Variants in CCDC152 observed in about 807,000 individuals in gnomAD.
The protein encoded by CCDC152 is coiled-coil domain containing 152.
In CCDC152, 37 loss-of-function variants were observed where a neutral mutation model predicts 38.1. The observed-to-expected ratio is 0.97, with a 90% CI of 0.75 to 1.28. CCDC152 has a LOEUF of 1.28. Ranked by LOEUF, CCDC152 falls within the 50% of genes most tolerant of loss-of-function variation. The pLI, the probability that CCDC152 is intolerant of heterozygous loss-of-function variation, is 0.00. For missense variants in CCDC152, 259 were observed against 292.1 expected, an observed-to-expected ratio of 0.89 and a Z score of 0.83; for synonymous variants, 83 against 87.1, an observed-to-expected ratio of 0.95 and a Z score of 0.26.
intron 1 of CCDC152, among the ~76,000 whole-genome samples, chr5:42,758,177 A>T (rs1297989038): frequency 6.6e-6 from 1 of 152,246 alleles, no homozygotes; most frequent in African/African-American, 2.4e-5. Context: ...TTTAAAAACC[A>T]TTAATAATTG....
chr5:42,799,417 T>A lies in CCDC152; in HGVS notation c.601T>A (p.Tyr201Asn). The change falls in exon 8 of 9, where the codon TAT becomes AAT. Residue 201 changes from tyrosine to asparagine, a missense_variant. By Grantham distance (143) the Tyr-to-Asn change is moderately radical (BLOSUM62 -2). Transcript: ENST00000361970. The stretch of plus-strand genomic sequence containing the variant: ...AAGAGTTCAGACTAAATCAAAATCA[T>A]ATCAGGATTCTACTGTTTTGCCACA... ...LARVQTKSKS[Y>N]QDSTVLPQSI... 1 of 1,546,406 alleles carries A rather than the reference T, an allele frequency of 6.5e-7. No homozygotes were observed. Among genetic ancestry groups the A allele is most frequent in the South Asian group, 1.2e-5 (1 of 82,904 alleles).
intron 7 of CCDC152, among the ~76,000 whole-genome samples, chr5:42,797,355 T>A (rs1760089086): frequency 6.6e-6 from 1 of 152,206 alleles, no homozygotes; most frequent in African/African-American, 2.4e-5. Context: ...TACTACCAGT[T>A]CCTGTGTCTC....
intron 6 of CCDC152, among the ~76,000 whole-genome samples, chr5:42,791,644 C>A (rs749724792): frequency 1.3e-5 from 2 of 152,172 alleles, no homozygotes; most frequent in African/African-American, 2.4e-5. Context: ...ATCTGTCAGG[C>A]AGCTCAGATA....
intron 6 of CCDC152, among the ~76,000 whole-genome samples, chr5:42,788,285 G>C (rs947966637): frequency 2.7e-5 from 4 of 149,732 alleles, no homozygotes; most frequent in East Asian, 2.0e-4. Context: ...TAAGGCTTCT[G>C]TAAGAAGTCT....
At chr5:42,789,530 T>A (rs1283735619) in intron 6 of CCDC152, among the ~76,000 whole-genome samples, 1 of 152,172 alleles carries the variant, frequency 6.6e-6, no homozygotes, top group Non-Finnish European at 1.5e-5. Context: ...TTTTGTACCT[T>A]CCTATATATT....
At chr5:42,789,984 G>T (rs1040753592) in intron 6 of CCDC152, among the ~76,000 whole-genome samples, 1 of 152,040 alleles carries the variant, frequency 6.6e-6, no homozygotes, top group Non-Finnish European at 1.5e-5. Context: ...ATTGGACTTC[G>T]TCAAAGTTAT....
chr5:42,770,417 G>A (rs1759681294), intron 4 of CCDC152, among the ~76,000 whole-genome samples: 1 of 152,060 alleles, frequency 6.6e-6, no homozygotes, highest in African/African-American at 2.4e-5. Flanking sequence ...CAATGCCAGG[G>A]CTCAAAACAA....
At position 42,801,002 on chromosome 5, in the gene CCDC152, T is replaced by C; in HGVS notation, c.*1221T>C. ...GAGCCAACTCTGAATCTGTGGGCAA[T>C]TTACAGAGTAATTGATTTATACATC... On this transcript the variant is annotated 3_prime_UTR_variant, in exon 9 of 9. Coordinates refer to ENST00000361970, the MANE Select transcript of CCDC152 (RefSeq NM_001134848.2). 1 of 1,614,182 alleles carries C rather than the reference T, an allele frequency of 6.2e-7. No homozygotes were observed.
At chr5:42,783,432 C>G in intron 5 of CCDC152, 42 bp from the exon 6 acceptor site, 1 of 791,838 alleles carries the variant, frequency 1.3e-6, no homozygotes, top group Non-Finnish European at 1.7e-6. Flanking sequence ...GTTATATACA[C>G]ATATTTAAAT....
In CCDC152 at chr5:42,781,526, A is replaced by C. The variant is rs149156966; in HGVS notation, c.328-1948A>C. On this transcript the variant is annotated intron_variant, in intron 5 of 8. Transcript: ENST00000361970. ...CATGAAATATCTATTAAAAGCTATGAATCCTCACTGAGAAAAATGCGCGCG... is the reference window on the plus strand; with the variant it reads ...CATGAAATATCTATTAAAAGCTATGCATCCTCACTGAGAAAAATGCGCGCG... Among the ~76,000 whole-genome samples the C allele has an allele frequency of 1.2e-3, 175 of 151,230 alleles. 1 individual carries two copies. Among genetic ancestry groups the C allele is most frequent in the African/African-American group, 4.2e-3 (171 of 41,074 alleles).
chr5:42,767,237 G>T (rs903115551), intron 3 of CCDC152, among the ~76,000 whole-genome samples: 2 of 152,012 alleles, frequency 1.3e-5, no homozygotes, highest in African/African-American at 4.8e-5. Context: ...AACAAAGAAT[G>T]ATATATGGAC....
At chr5:42,782,934 T>C (rs1579716349) in intron 5 of CCDC152, among the ~76,000 whole-genome samples, 1 of 152,012 alleles carries the variant, frequency 6.6e-6, no homozygotes, top group African/African-American at 2.4e-5. Flanking sequence ...TGGTGCCATC[T>C]CGGCTCACTG....
chr5:42,778,103 G>A (rs1254145034), intron 4 of CCDC152, among the ~76,000 whole-genome samples: 2 of 152,230 alleles, frequency 1.3e-5, no homozygotes, highest in African/African-American at 4.8e-5. Context: ...AATTGTAATA[G>A]GATGTCTATT....
Position 42,799,919 on chromosome 5 carries a change from C to T in CCDC152, c.*138C>T, listed in dbSNP as rs1409043350. On this transcript the variant is annotated 3_prime_UTR_variant, in exon 9 of 9. Transcript: ENST00000361970. The stretch of plus-strand genomic sequence containing the variant: ...TTTATTGAATTTATTTGGACAAATC[C>T]GTACTGTATCCAATTCTGTACTGCA... The T allele has an allele frequency of 2.4e-5, 22 of 929,878 alleles. No homozygotes were observed. Among genetic ancestry groups the T allele is most frequent in the Non-Finnish European group, 3.1e-5 (19 of 618,456 alleles). 57.6% of individuals were successfully genotyped at this position (929,878 alleles called of 1,614,324 possible).
At position 42,799,660 on chromosome 5, in the gene CCDC152, AACTT is replaced by A; in HGVS notation, c.645_648del (p.Lys215AsnfsTer22). Reference sequence around the variant, plus strand: ...TAACAAATTTTTTGTTTCGTTTAGAAACTTCAGCATTTTCAAGAAGAAAAAAACA... The same window carrying A: ...TAACAAATTTTTTGTTTCGTTTAGAACAGCATTTTCAAGAAGAAAAAAACA... On this transcript the variant is annotated frameshift_variant and splice_region_variant, in exon 9 of 9. Coordinates refer to ENST00000361970, the MANE Select transcript of CCDC152 (RefSeq NM_001134848.2). LOFTEE classifies it high-confidence loss of function. 1 of 1,541,080 alleles carries A rather than the reference AACTT, an allele frequency of 6.5e-7. No homozygotes were observed.
At position 42,800,615 on chromosome 5, in the gene CCDC152, C is replaced by G; in HGVS notation, c.*834C>G. 1 of 1,345,846 alleles carries G rather than the reference C, an allele frequency of 7.4e-7. No individual in the cohort carries two copies. The highest frequency in any genetic ancestry group is 1.0e-6 in the Non-Finnish European group (1 of 993,780). The allele number at this position is 1,345,846 out of a possible 1,614,324, so 83.4% of individuals were successfully genotyped here. On this transcript the variant is annotated 3_prime_UTR_variant, in exon 9 of 9. Coordinates refer to ENST00000361970, the MANE Select transcript of CCDC152 (RefSeq NM_001134848.2). Reference sequence around the variant, plus strand: ...TTCAGTAGATTTCTCCATGTTTGCACAAATCTAATTTCTATTTTTGGTTCA... The same window carrying G: ...TTCAGTAGATTTCTCCATGTTTGCAGAAATCTAATTTCTATTTTTGGTTCA...
intron 3 of CCDC152, among the ~76,000 whole-genome samples, chr5:42,768,671 G>C (rs1404468312): frequency 2.0e-5 from 3 of 152,186 alleles, no homozygotes; most frequent in Non-Finnish European, 4.4e-5. Flanking sequence ...AGTACTAAGA[G>C]GATAGACTGG....
chr5:42,792,063 G>A (rs1041890817), intron 6 of CCDC152, among the ~76,000 whole-genome samples: 5 of 152,192 alleles, frequency 3.3e-5, no homozygotes, highest in African/African-American at 1.2e-4. Flanking sequence ...GCTTTTACTA[G>A]GAAAGAGTGG....
chr5:42,799,086 C>G (rs969573294), intron 7 of CCDC152, among the ~76,000 whole-genome samples: 4 of 152,074 alleles, frequency 2.6e-5, no homozygotes, highest in Admixed American at 2.0e-4. Flanking sequence ...ATGACGCTAG[C>G]TGCACACCAG....
Sources: gnomAD v4.1 joint callset for allele counts (sites outside exome capture counted in the v4.1 genomes callset) on GRCh38, gnomAD v4.1.1 for gene constraint, MANE v1.5 for transcripts, NCBI Gene and HGNC (gene_info 2026-07-23, HGNC 2026-07-21) for gene names.